CCDC7: variants seen among roughly 807,000 people sequenced by gnomAD.
CCDC7 encodes coiled-coil domain-containing protein 7.
CCDC7 carries 183 observed loss-of-function variants against 196.9 expected under a neutral mutation model. That is an observed-to-expected ratio of 0.93 (90% CI 0.82 to 1.05). The LOEUF (loss-of-function observed/expected upper bound fraction) is 1.05, where lower values mean the gene tolerates loss of function less well. Among genes scored for constraint, CCDC7 ranks in the 50% least tolerant of loss-of-function variants. The pLI, the probability that CCDC7 is intolerant of heterozygous loss-of-function variation, is 0.00. For missense variants in CCDC7, 1,540 were observed against 1,482.2 expected (o/e 1.04, Z -0.64); for synonymous variants, 525 against 484.6 (o/e 1.08, Z -1.10).
upstream of CCDC7, among the ~76,000 whole-genome samples, chr10:32,444,659 G>A (rs1455408363): frequency 1.3e-5 from 2 of 151,940 alleles, no homozygotes; most frequent in Admixed American, 6.6e-5. Context: ...CATTTACAAC[G>A]GTTTTGGGAG....
chr10:32,873,271 T>G (rs1451370964), intron 41 of CCDC7, among the ~76,000 whole-genome samples: 1 of 151,984 alleles, frequency 6.6e-6, no homozygotes, highest in East Asian at 1.9e-4. Context: ...TCTTCTCGCT[T>G]CTTTTTATTC....
intron 18 of CCDC7, among the ~76,000 whole-genome samples, chr10:32,594,324 G>A (rs1040052210): frequency 2.2e-4 from 34 of 152,258 alleles, no homozygotes; most frequent in Non-Finnish European, 4.0e-4. Context: ...GTGAATGGGA[G>A]TTCACTCATG....
intron 16 of CCDC7, among the ~76,000 whole-genome samples, chr10:32,572,747 A>G (rs987346034): frequency 6.6e-6 from 1 of 151,862 alleles, no homozygotes; most frequent in Non-Finnish European, 1.5e-5. Context: ...TTAAATATGT[A>G]TAGTCAGTAT....
chr10:32,779,802 A>G (rs1028578415), intron 29 of CCDC7, among the ~76,000 whole-genome samples: 7 of 152,350 alleles, frequency 4.6e-5, no homozygotes, highest in African/African-American at 1.7e-4. Flanking sequence ...ATAGAAACCA[A>G]GAGAATACCT....
chr10:32,459,644 A>C, intron 3 of CCDC7, among the ~76,000 whole-genome samples: 2 of 79,034 alleles, frequency 2.5e-5, no homozygotes, highest in African/African-American at 5.1e-5. Context: ...TCCCTGCTGC[A>C]CATTTTTTTT....
chr10:32,693,096 A>G (rs993776545), intron 23 of CCDC7, among the ~76,000 whole-genome samples: 1 of 152,328 alleles, frequency 6.6e-6, no homozygotes. Context: ...GTGAGGGTTT[A>G]TGTCAAATAC....
At chr10:32,661,422 C>T (rs2071411973) in intron 20 of CCDC7, among the ~76,000 whole-genome samples, 1 of 152,056 alleles carries the variant, frequency 6.6e-6, no homozygotes, top group South Asian at 2.1e-4. Context: ...GGCAATTTTT[C>T]CTCTGTTTTT....
chr10:32,585,888 C>G (rs368850844), intron 18 of CCDC7, among the ~76,000 whole-genome samples: 1 of 151,970 alleles, frequency 6.6e-6, no homozygotes, highest in African/African-American at 2.4e-5. Context: ...GGGTATATAC[C>G]GAGTAATGGG....
intron 18 of CCDC7, among the ~76,000 whole-genome samples, chr10:32,629,890 G>A (rs936658372): frequency 9.9e-5 from 15 of 152,176 alleles, no homozygotes; most frequent in African/African-American, 2.7e-4. Flanking sequence ...GCGCTAGAGT[G>A]CCTAATCTCC....
intron 29 of CCDC7, among the ~76,000 whole-genome samples, chr10:32,793,445 A>G (rs1379100074): frequency 6.6e-6 from 1 of 152,166 alleles, no homozygotes. Context: ...ATTTTAATGT[A>G]TATATTAGTC....
At chr10:32,510,851 G>A (rs550257731) in intron 9 of CCDC7, among the ~76,000 whole-genome samples, 1 of 151,918 alleles carries the variant, frequency 6.6e-6, no homozygotes, top group African/African-American at 2.4e-5. Flanking sequence ...ACATGATAAA[G>A]TATCTATACA....
intron 18 of CCDC7, among the ~76,000 whole-genome samples, chr10:32,609,762 G>A (rs2947060): frequency 0.25 from 38,178 of 151,918 alleles, 5,396 homozygotes; most frequent in South Asian, 0.44. Context: ...GTGAGTTCTC[G>A]CAAGATCTGG....
intron 21 of CCDC7, among the ~76,000 whole-genome samples, chr10:32,666,486 C>T (rs150641931): frequency 5.7e-4 from 86 of 152,042 alleles, no homozygotes; most frequent in Non-Finnish European, 1.1e-3. Context: ...ATTAACTTGT[C>T]ATTTACATTA....
intron 30 of CCDC7, among the ~76,000 whole-genome samples, chr10:32,813,778 A>G (rs2135397613): frequency 6.6e-6 from 1 of 152,296 alleles, no homozygotes; most frequent in Admixed American, 6.5e-5. Flanking sequence ...GTGCAGCATC[A>G]GGTTGTGCAT....
chr10:32,787,446 G>A (rs986411252), intron 29 of CCDC7, among the ~76,000 whole-genome samples: 3 of 152,174 alleles, frequency 2.0e-5, no homozygotes, highest in African/African-American at 7.2e-5. Flanking sequence ...TGAATGTAAC[G>A]CAGATGTAAG....
chr10:32,528,112 A>G (rs1589547633), intron 11 of CCDC7, among the ~76,000 whole-genome samples: 2 of 152,178 alleles, frequency 1.3e-5, no homozygotes. Context: ...AAATTAGAAT[A>G]TGGGGTATTT....
At chr10:32,808,737 C>G (rs2086403544) in intron 30 of CCDC7, among the ~76,000 whole-genome samples, 1 of 152,126 alleles carries the variant, frequency 6.6e-6, no homozygotes, top group East Asian at 1.9e-4. Context: ...GTCCCTGTCC[C>G]CAGCAAAGCC....
At chr10:32,595,612 C>G (rs1387789774) in intron 18 of CCDC7, among the ~76,000 whole-genome samples, 1 of 152,138 alleles carries the variant, frequency 6.6e-6, no homozygotes, top group African/African-American at 2.4e-5. Context: ...TCTTGCTTCT[C>G]TAGTTCTTTT....
chr10:32,702,327 G>A (rs533692074), intron 24 of CCDC7, among the ~76,000 whole-genome samples: 1 of 152,122 alleles, frequency 6.6e-6, no homozygotes, highest in Non-Finnish European at 1.5e-5. Flanking sequence ...TAGTTGAGCG[G>A]TTTTGAGTGA....
Sources: allele counts gnomAD v4.1 joint callset (sites outside exome capture counted in the v4.1 genomes callset), GRCh38; gene constraint gnomAD v4.1.1; transcripts MANE v1.5; gene names NCBI Gene and HGNC (gene_info 2026-07-23, HGNC 2026-07-21).